ACOXL: variants seen among roughly 807,000 people sequenced by gnomAD.
ACOXL encodes the protein acyl-coenzyme A oxidase-like protein.
In ACOXL, 70 loss-of-function variants were observed where a neutral mutation model predicts 71.9. The ratio of observed to expected loss-of-function variants is 0.97; its 90% CI spans 0.80 to 1.19. The LOEUF (loss-of-function observed/expected upper bound fraction) is 1.19, where lower values mean the gene tolerates loss of function less well. Ranked by LOEUF, ACOXL falls within the 50% of genes most tolerant of loss-of-function variation. ACOXL has a pLI of 0.00. For synonymous variants in ACOXL, 253 were observed against 281.6 expected (o/e 0.90, Z 1.02); for missense variants, 703 against 736.3 (o/e 0.95, Z 0.52).
intron 9 of ACOXL, among the ~76,000 whole-genome samples, chr2:110,835,046 C>T (rs529184847): frequency 1.3e-5 from 2 of 152,290 alleles, no homozygotes; most frequent in East Asian, 3.9e-4. Flanking sequence ...AGTTAAAAGC[C>T]ACCTGTTTCC....
intron 12 of ACOXL, among the ~76,000 whole-genome samples, chr2:110,936,813 A>G (rs1328626064): frequency 2.0e-5 from 3 of 150,726 alleles, no homozygotes; most frequent in African/African-American, 7.3e-5. Context: ...GGATGTGTTC[A>G]CCAGCCTGGA....
intron 12 of ACOXL, among the ~76,000 whole-genome samples, chr2:110,948,273 C>T (rs1042708688): frequency 2.6e-5 from 4 of 152,172 alleles, no homozygotes; most frequent in Admixed American, 6.5e-5. Context: ...GTAATCCATC[C>T]GGGCAGCGAC....
intron 11 of ACOXL, among the ~76,000 whole-genome samples, chr2:110,919,755 T>C (rs955966373): frequency 1.3e-5 from 2 of 152,210 alleles, no homozygotes; most frequent in Non-Finnish European, 2.9e-5. Flanking sequence ...GCAACCTGTA[T>C]TTTACACCTA....
At chr2:110,930,990 T>C (rs1205090733) in intron 11 of ACOXL, among the ~76,000 whole-genome samples, 3 of 152,218 alleles carry the variant, frequency 2.0e-5, no homozygotes, top group East Asian at 3.8e-4. Context: ...TTTGAGTGGA[T>C]GTAACCCATA....
intron 11 of ACOXL, among the ~76,000 whole-genome samples, chr2:110,921,002 G>C (rs1296216651): frequency 6.6e-6 from 1 of 152,248 alleles, no homozygotes; most frequent in Middle Eastern, 3.4e-3. Context: ...TTGTTGGGTA[G>C]ATTTTAATAA....
chr2:110,794,453 C>T (rs1685039435), intron 5 of ACOXL, among the ~76,000 whole-genome samples: 1 of 152,230 alleles, frequency 6.6e-6, no homozygotes, highest in South Asian at 2.1e-4. Flanking sequence ...GAATTTAATC[C>T]CTTGTCATAA....
intron 12 of ACOXL, among the ~76,000 whole-genome samples, chr2:110,978,365 CT>C (rs774301624): frequency 1.3e-5 from 2 of 152,194 alleles, no homozygotes; most frequent in African/African-American, 2.4e-5. Context: ...ATAATCACCC[CT>C]GAACGTCTCC....
At chr2:111,031,987 A>C (rs2065293930) in intron 15 of ACOXL, among the ~76,000 whole-genome samples, 1 of 152,236 alleles carries the variant, frequency 6.6e-6, no homozygotes, top group East Asian at 1.9e-4. Context: ...AATCACACGA[A>C]GCACTTGACA....
chr2:110,952,278 C>A (rs1310479219), intron 12 of ACOXL, among the ~76,000 whole-genome samples: 2 of 151,922 alleles, frequency 1.3e-5, no homozygotes, highest in Non-Finnish European at 2.9e-5. Context: ...TCCATGATAC[C>A]CTTTTCTCTT....
rs111336514 is a variant in ACOXL at position 110,800,578 on chromosome 2, G to T, written c.548-1074G>T. Among the ~76,000 whole-genome samples the T allele has an allele frequency of 3.8e-4, 58 of 151,766 alleles. 1 individual carries two copies. The highest frequency in any genetic ancestry group is 1.3e-3 in the African/African-American group (54 of 41,288). ...GATTTGGTGAGATCAGGACATGCCT[G>T]TATGCTCCAGTGACCACTCAGGGCC... On this transcript the variant is annotated intron_variant, in intron 7 of 17. Transcript: ENST00000439055.
intron 10 of ACOXL, among the ~76,000 whole-genome samples, chr2:110,851,256 T>G (rs1692567469): frequency 6.6e-6 from 1 of 152,178 alleles, no homozygotes; most frequent in African/African-American, 2.4e-5. Flanking sequence ...TTATTGTAAT[T>G]AAATTATGCT....
chr2:111,072,253 A>G (rs2067376153), intron 16 of ACOXL, among the ~76,000 whole-genome samples: 1 of 152,226 alleles, frequency 6.6e-6, no homozygotes, highest in Admixed American at 6.5e-5. Flanking sequence ...TCTCTCTTCC[A>G]GCAGCCCCTG....
intron 15 of ACOXL, among the ~76,000 whole-genome samples, chr2:111,039,977 G>A (rs1044892431): frequency 6.6e-6 from 1 of 152,230 alleles, no homozygotes; most frequent in African/African-American, 2.4e-5. Context: ...GGATATCAGA[G>A]TTCCTTGCCT....
chr2:110,753,530 T>C (rs1477515384), intron 1 of ACOXL, among the ~76,000 whole-genome samples: 1 of 152,226 alleles, frequency 6.6e-6, no homozygotes, highest in East Asian at 1.9e-4. Context: ...TAGGTTAATA[T>C]ATGTCATTTA....
chr2:110,886,453 T>G (rs1280626415), intron 10 of ACOXL, among the ~76,000 whole-genome samples: 1 of 151,078 alleles, frequency 6.6e-6, no homozygotes, highest in Non-Finnish European at 1.5e-5. Flanking sequence ...GTTGGCTCAC[T>G]GCAGCCTCCA....
chr2:110,755,935 A>G lies in ACOXL; in HGVS notation c.-22-12433A>G, dbSNP rs190571173. ...AAAAATACACACACATGCAAGCAAT[A>G]TGTGTATTGTTAATCACTATTTCTG... On this transcript the variant is annotated intron_variant, in intron 1 of 17. Transcript: ENST00000439055. 3.9e-3 allele frequency among the ~76,000 whole-genome samples: 597 copies of G among 152,294 alleles called. 3 individuals are homozygous for G. The highest frequency in any genetic ancestry group is 5.0e-3 in the Non-Finnish European group (338 of 68,024).
intron 12 of ACOXL, among the ~76,000 whole-genome samples, chr2:110,951,567 T>A (rs2061334396): frequency 6.6e-6 from 1 of 152,246 alleles, no homozygotes; most frequent in Non-Finnish European, 1.5e-5. Context: ...CCATTAAGGA[T>A]ATTATTCGGT....
chr2:110,920,798 T>C (rs2060038143), intron 11 of ACOXL, among the ~76,000 whole-genome samples: 1 of 152,198 alleles, frequency 6.6e-6, no homozygotes, highest in Non-Finnish European at 1.5e-5. Flanking sequence ...CTATTAATAT[T>C]GAGTCTTTCA....
intron 1 of ACOXL, among the ~76,000 whole-genome samples, chr2:110,751,670 T>G (rs1481897024): frequency 1.3e-5 from 2 of 152,178 alleles, no homozygotes; most frequent in African/African-American, 4.8e-5. Flanking sequence ...CCAACCCCTA[T>G]CAAAATACAT....
Sources: gnomAD v4.1 joint callset for allele counts (sites outside exome capture counted in the v4.1 genomes callset) on GRCh38, gnomAD v4.1.1 for gene constraint, MANE v1.5 for transcripts, NCBI Gene and HGNC (gene_info 2026-07-23, HGNC 2026-07-21) for gene names.